Variants in MTAP observed in about 807,000 individuals in gnomAD.
MTAP encodes S-methyl-5'-thioadenosine phosphorylase.
MTAP carries 33 observed loss-of-function variants against 33.6 expected under a neutral mutation model. The ratio of observed to expected loss-of-function variants is 0.98; its 90% CI spans 0.74 to 1.31. The LOEUF (loss-of-function observed/expected upper bound fraction) is 1.31. Ranked by LOEUF, MTAP falls within the 40% of genes most tolerant of loss-of-function variation. MTAP has a pLI of 0.00. For synonymous variants in MTAP, 148 were observed against 125.7 expected, an observed-to-expected ratio of 1.18 and a Z score of -1.19; for missense variants, 367 against 360.0, an observed-to-expected ratio of 1.02 and a Z score of -0.16.
intron 4 of MTAP, among the ~76,000 whole-genome samples, chr9:21,828,637 T>C (rs1824883730): frequency 6.6e-6 from 1 of 151,986 alleles, no homozygotes; most frequent in South Asian, 2.1e-4. Flanking sequence ...ATTGCTCCAT[T>C]GCACTCCAGC....
At position 21,917,461 on chromosome 9, in the gene MTAP, C is replaced by T. The variant is rs114523157; in HGVS notation, c.148-13547C>T. On this transcript the variant is annotated intron_variant, in intron 1 of 1. Coordinates refer to the MTAP transcript ENST00000577563. ...AGCAAAGGAGACTAGAAGGGAGCAACTGGTGAGGAAAAAGGAAGACTAAGA... is the reference window on the plus strand; with the variant it reads ...AGCAAAGGAGACTAGAAGGGAGCAATTGGTGAGGAAAAAGGAAGACTAAGA... Among the ~76,000 whole-genome samples, 1,464 of 152,218 alleles carry T rather than the reference C, an allele frequency of 9.6e-3. 18 individuals are homozygous for T. The highest frequency in any genetic ancestry group is 0.048 in the Middle Eastern group (14 of 294).
intron 6 of MTAP, among the ~76,000 whole-genome samples, chr9:21,856,802 A>C (rs1039165371): frequency 6.6e-6 from 1 of 152,218 alleles, no homozygotes; most frequent in Admixed American, 6.5e-5. Context: ...TGGCATGGCA[A>C]AAAGGATTTG....
intron 5 of MTAP, among the ~76,000 whole-genome samples, chr9:21,842,247 AT>A (rs1383879574): frequency 6.6e-6 from 1 of 152,152 alleles, no homozygotes; most frequent in African/African-American, 2.4e-5. Context: ...TTAAAATGAA[AT>A]TTTAAAAGAA....
rs141413145 is a variant in MTAP, at chr9:21,831,344, TG to T, written c.348-6563del. Among the ~76,000 whole-genome samples the T allele has an allele frequency of 6.4e-3, 976 of 152,290 alleles. 23 individuals carry two copies. Among genetic ancestry groups the T allele is most frequent in the East Asian group, 0.059 (305 of 5,188 alleles). ...AAAAGATGCCCACATTGTATTTTTT[TG>T]TTGTTTTTTTAGATAGGATCTTTCT... On this transcript the variant is annotated intron_variant, in intron 4 of 7. Coordinates refer to ENST00000644715, the MANE Select transcript of MTAP (RefSeq NM_002451.4).
chr9:21,844,190 A>G (rs1825320060), intron 5 of MTAP, among the ~76,000 whole-genome samples: 1 of 152,176 alleles, frequency 6.6e-6, no homozygotes, highest in African/African-American at 2.4e-5. Flanking sequence ...AAGAAATGGA[A>G]ACCCTAAACA....
chr9:21,813,583 A>G (rs981935601), intron 1 of MTAP, among the ~76,000 whole-genome samples: 1 of 152,154 alleles, frequency 6.6e-6, no homozygotes, highest in African/African-American at 2.4e-5. Context: ...ACAAAGCCCA[A>G]CTCGATTTGT....
At chr9:21,935,788 T>G (rs947338110), downstream of MTAP, 21 of 152,246 alleles carry the variant, frequency 1.4e-4, no homozygotes, top group African/African-American at 4.8e-4. Flanking sequence ...AGAGGAGAGA[T>G]AAAATGGCTT....
intron 1 of MTAP, among the ~76,000 whole-genome samples, chr9:21,923,980 T>G (rs961822856): frequency 9.9e-5 from 15 of 152,254 alleles, no homozygotes; most frequent in African/African-American, 3.6e-4. Context: ...CAGAACAGAT[T>G]ACCATTAGAA....
At chr9:21,853,953 T>A (rs1825574804) in intron 5 of MTAP, among the ~76,000 whole-genome samples, 1 of 152,184 alleles carries the variant, frequency 6.6e-6, no homozygotes, top group South Asian at 2.1e-4. Flanking sequence ...AGATGTGCAG[T>A]ATTAAATAAA....
chr9:21,817,774 C>G (rs1824521200), intron 3 of MTAP, among the ~76,000 whole-genome samples: 1 of 152,118 alleles, frequency 6.6e-6, no homozygotes, highest in Admixed American at 6.5e-5. Context: ...CCCAGGTTCA[C>G]TGATCCTTTA....
At chr9:21,829,340 C>T (rs371217435) in intron 4 of MTAP, among the ~76,000 whole-genome samples, 2 of 152,138 alleles carry the variant, frequency 1.3e-5, no homozygotes, top group Non-Finnish European at 2.9e-5. Context: ...GTGCAAATCA[C>T]TTTACCCACT....
intron 2 of MTAP, among the ~76,000 whole-genome samples, chr9:21,816,160 C>G (rs1432906820): frequency 1.3e-5 from 2 of 152,150 alleles, no homozygotes; most frequent in Non-Finnish European, 2.9e-5. Flanking sequence ...ACCAAACCCT[C>G]CTTTTCAGCT....
chr9:21,826,991 G>A (rs1179287398), intron 4 of MTAP, among the ~76,000 whole-genome samples: 1 of 152,114 alleles, frequency 6.6e-6, no homozygotes, highest in East Asian at 1.9e-4. Flanking sequence ...ACTAATGCCT[G>A]ATGATCTGAG....
rs148060695 is a variant in MTAP at position 21,834,630 on chromosome 9, A to C, written c.348-3278A>C. Among the ~76,000 whole-genome samples, 1,038 of 152,268 alleles carry C rather than the reference A, an allele frequency of 6.8e-3. 8 individuals carry two copies. The highest frequency in any genetic ancestry group is 0.023 in the African/African-American group (973 of 41,554). The stretch of plus-strand genomic sequence containing the variant: ...AATGGCAATGGAGTCCTCACCTCTC[A>C]TCATGCTGACATTGACTCTTCTGCC... On this transcript the variant is annotated intron_variant, in intron 4 of 7. Transcript: ENST00000644715.
At position 21,849,842 on chromosome 9, in the gene MTAP, A is replaced by G. The variant is rs142492971; in HGVS notation, c.451-4789A>G. Reference sequence around the variant, plus strand: ...ACTCCAATTGCAGCTGTTGTACCAGATGTGATTTCATTGCTTGAGCAAATT... The same window carrying G: ...ACTCCAATTGCAGCTGTTGTACCAGGTGTGATTTCATTGCTTGAGCAAATT... On this transcript the variant is annotated intron_variant, in intron 5 of 7. Transcript: ENST00000644715. Among the ~76,000 whole-genome samples, 964 of 152,320 alleles carry G rather than the reference A, an allele frequency of 6.3e-3. 25 individuals are homozygous for G. Among genetic ancestry groups the G allele is most frequent in the East Asian group, 0.056 (291 of 5,184 alleles).
chr9:21,867,755 C>G (rs1587263043), downstream of MTAP, among the ~76,000 whole-genome samples: 4 of 151,100 alleles, frequency 2.6e-5, no homozygotes, highest in Middle Eastern at 0.014. Flanking sequence ...AATTTGTTAA[C>G]CAAAAAGATT....
chr9:21,844,977 G>C (rs1382446880), intron 5 of MTAP, among the ~76,000 whole-genome samples: 1 of 150,604 alleles, frequency 6.6e-6, no homozygotes, highest in East Asian at 2.0e-4. Flanking sequence ...CTTGCAGTGA[G>C]CTGAGATCAC....
At chr9:21,844,832 CCATCCTGGCTAA>C (rs1309524635) in intron 5 of MTAP, among the ~76,000 whole-genome samples, 1 of 152,134 alleles carries the variant, frequency 6.6e-6, no homozygotes, top group Non-Finnish European at 1.5e-5. Context: ...CAGATCGAGA[CCATCCTGGCTAA>C]CACGGTGAAA....
At position 21,864,516 on chromosome 9, in the gene MTAP, G is replaced by A. The variant is rs1825817431; in HGVS notation, c.*2502G>A. 1.0e-6 allele frequency: 1 copy of A among 985,358 alleles called. No individual in the cohort carries two copies. Among genetic ancestry groups the A allele is most frequent in the Non-Finnish European group, 1.2e-6 (1 of 829,920 alleles). The allele number at this position is 985,358 out of a possible 1,614,324, so 61.0% of individuals were successfully genotyped here. On this transcript the variant is annotated 3_prime_UTR_variant, in exon 8 of 8. Coordinates refer to ENST00000644715, the MANE Select transcript of MTAP (RefSeq NM_002451.4). ...TGCATGTACATAGAAGTCTTTGTTG[G>A]CCTTATAATCTGCTGTTATATTTGG...
Sources: allele counts gnomAD v4.1 joint callset (sites outside exome capture counted in the v4.1 genomes callset), GRCh38; gene constraint gnomAD v4.1.1; transcripts MANE v1.5; gene names NCBI Gene and HGNC (gene_info 2026-07-23, HGNC 2026-07-21).